The following SOS1 variants were observed in gnomAD, a reference collection of about 807,000 sequenced individuals.
SOS1 encodes the protein SOS Ras/Rac guanine nucleotide exchange factor 1, also known as son of sevenless homolog 1.
SOS1 carries 25 observed loss-of-function variants against 157.6 expected under a neutral mutation model. That is an observed-to-expected ratio of 0.16 (90% CI 0.12 to 0.22). The LOEUF is 0.22. Ranked by LOEUF, SOS1 falls within the 10% of genes least tolerant of loss-of-function variation. The pLI is 1.00. For synonymous variants in SOS1, 528 were observed against 534.0 expected (o/e 0.99, Z 0.16); for missense variants, 1,237 against 1,599.1 (o/e 0.77, Z 3.86).
intron 2 of SOS1, among the ~76,000 whole-genome samples, chr2:39,061,119 CA>C (rs1389649181): frequency 1.3e-5 from 2 of 151,774 alleles, no homozygotes; most frequent in African/African-American, 4.8e-5. Flanking sequence ...TTTAAAAAGG[CA>C]AAGTGGTAAT....
In SOS1 at chr2:38,984,504, C is replaced by T. The variant is rs935979621; in HGVS notation, c.*1320G>A. 1 of 152,120 alleles carries T rather than the reference C, an allele frequency of 6.6e-6. No individual in the cohort carries two copies. The highest frequency in any genetic ancestry group is 1.5e-5 in the Non-Finnish European group (1 of 68,012). 9.4% of individuals were successfully genotyped at this position (152,120 alleles called of 1,614,324 possible). ...TGCTTAGGAACTTAAAACTTACTTACAAAGTTCTGCTTAAAAGATACCCAT... is the reference window on the plus strand; with the variant it reads ...TGCTTAGGAACTTAAAACTTACTTATAAAGTTCTGCTTAAAAGATACCCAT... On this transcript the variant is annotated 3_prime_UTR_variant, in exon 23 of 23. Coordinates refer to ENST00000402219, the MANE Select transcript of SOS1 (RefSeq NM_005633.4).
intron 8 of SOS1, among the ~76,000 whole-genome samples, chr2:39,028,905 C>T (rs1206328254): frequency 2.0e-5 from 3 of 152,336 alleles, no homozygotes; most frequent in Non-Finnish European, 4.4e-5. Context: ...TGAGACACCA[C>T]AGTGGATTAC....
intron 15 of SOS1, 89 bp from the exon 16 acceptor site, chr2:39,007,282 A>G (rs887643372): frequency 4.6e-6 from 4 of 870,780 alleles, no homozygotes; most frequent in Non-Finnish European, 7.7e-6. Flanking sequence ...AATAATGTAG[A>G]GAGTAGGGGG....
intron 1 of SOS1, among the ~76,000 whole-genome samples, chr2:39,068,148 AT>A (rs762285340): frequency 6.6e-6 from 1 of 152,202 alleles, no homozygotes; most frequent in Non-Finnish European, 1.5e-5. Flanking sequence ...GTATTTAAAA[AT>A]GTGGTCTGGC....
At chr2:39,015,634 T>G (rs1669604934) in intron 10 of SOS1, among the ~76,000 whole-genome samples, 1 of 151,908 alleles carries the variant, frequency 6.6e-6, no homozygotes, top group Non-Finnish European at 1.5e-5. Context: ...CCGTCTCTCC[T>G]TAACAGTATT....
intron 1 of SOS1, among the ~76,000 whole-genome samples, chr2:39,077,709 A>T (rs1472162493): frequency 6.6e-6 from 1 of 152,226 alleles, no homozygotes; most frequent in Non-Finnish European, 1.5e-5. Flanking sequence ...AAGAGCCAGT[A>T]GTATAGATTC....
chr2:39,116,300 A>T (rs1355408372), intron 1 of SOS1, among the ~76,000 whole-genome samples: 2 of 152,308 alleles, frequency 1.3e-5, no homozygotes, highest in African/African-American at 4.8e-5. Flanking sequence ...CAGAAACAAG[A>T]CTATTCCTGT....
chr2:39,026,476 C>G (rs1051800094), intron 8 of SOS1, among the ~76,000 whole-genome samples: 2 of 151,800 alleles, frequency 1.3e-5, no homozygotes, highest in Non-Finnish European at 2.9e-5. Flanking sequence ...ATACAAAAAT[C>G]AAATATCTTT....
intron 2 of SOS1, among the ~76,000 whole-genome samples, chr2:39,067,385 G>T (rs1217712225): frequency 6.6e-6 from 1 of 151,728 alleles, no homozygotes; most frequent in East Asian, 1.9e-4. Flanking sequence ...TTGGATTTGG[G>T]ATGCTCAACC....
intron 1 of SOS1, among the ~76,000 whole-genome samples, chr2:39,078,500 C>T (rs1018564325): frequency 1.2e-4 from 7 of 57,638 alleles, no homozygotes; most frequent in African/African-American, 5.0e-4. Flanking sequence ...TCTCCTCAAA[C>T]CCCATTAGGA....
At position 39,120,479 on chromosome 2, in the gene SOS1, GC is replaced by G. The variant is rs918651370; in HGVS notation, c.-58del. On this transcript the variant is annotated 5_prime_UTR_variant, in exon 1 of 23. Coordinates refer to ENST00000402219, the MANE Select transcript of SOS1 (RefSeq NM_005633.4). ...GGGGCGGCGGCGGCCGGGCCAGGGA[GC>G]CGCGAGAGGGCGAGCTCGCAGCGCG... 290 of 1,457,506 alleles carry G rather than the reference GC, an allele frequency of 2.0e-4. No individual in the cohort carries two copies. Among genetic ancestry groups the G allele is most frequent in the Non-Finnish European group, 2.3e-4 (255 of 1,102,288 alleles). 90.3% of individuals were successfully genotyped at this position (1,457,506 alleles called of 1,614,324 possible).
chr2:39,009,707 TTAA>T (rs2124509301), intron 15 of SOS1, among the ~76,000 whole-genome samples: 1 of 152,254 alleles, frequency 6.6e-6, no homozygotes, highest in South Asian at 2.1e-4. Context: ...ATTTGCATCA[TTAA>T]TAAGATGTAA....
At position 38,983,960 on chromosome 2, in the gene SOS1, C is replaced by T. The variant is rs1668475888; in HGVS notation, c.*1864G>A. On this transcript the variant is annotated 3_prime_UTR_variant, in exon 23 of 23. Transcript: ENST00000402219. Reference sequence around the variant, plus strand: ...ACAGATATTGAGAAAGGATTCAATTCTAACAAATAAATAAGAAAATAGGAT... The same window carrying T: ...ACAGATATTGAGAAAGGATTCAATTTTAACAAATAAATAAGAAAATAGGAT... The T allele has an allele frequency of 6.6e-6, 1 of 152,118 alleles. No individual in the cohort carries two copies. 9.4% of individuals were successfully genotyped at this position (152,118 alleles called of 1,614,324 possible). A position where few individuals can be genotyped will look rare whatever the true frequency, so the allele number is the denominator to read the frequency against.
intron 15 of SOS1, among the ~76,000 whole-genome samples, chr2:39,009,454 G>T (rs1321809668): frequency 1.3e-5 from 2 of 152,062 alleles, no homozygotes. Context: ...ATCAGTAAAG[G>T]TAATTGTGTA....
chr2:39,001,533 C>T (rs1669099900), intron 17 of SOS1, among the ~76,000 whole-genome samples: 1 of 152,092 alleles, frequency 6.6e-6, no homozygotes, highest in African/African-American at 2.4e-5. Flanking sequence ...ATGGGACTAA[C>T]GCTGGTAAAA....
intron 15 of SOS1, 120 bp from the exon 16 acceptor site, chr2:39,007,313 A>G (rs569014798): frequency 5.7e-6 from 4 of 698,210 alleles, no homozygotes; most frequent in African/African-American, 5.3e-5. Context: ...TATAACTACT[A>G]TAGAGAAGAC....
chr2:39,016,088 T>C (rs1391737021), intron 10 of SOS1, among the ~76,000 whole-genome samples: 2 of 152,060 alleles, frequency 1.3e-5, no homozygotes. Context: ...AGGTTTAGCC[T>C]TAAAATAACA....
At chr2:39,093,092 C>T (rs1421109582) in intron 1 of SOS1, among the ~76,000 whole-genome samples, 2 of 152,096 alleles carry the variant, frequency 1.3e-5, no homozygotes, top group Non-Finnish European at 2.9e-5. Context: ...TAAATAAATG[C>T]ATTTTTTAAA....
chr2:38,996,182 C>T (rs142348113), intron 19 of SOS1, among the ~76,000 whole-genome samples: 3,292 of 152,178 alleles, frequency 0.022, 129 homozygotes, highest in African/African-American at 0.075. Context: ...CTCCGCCTCC[C>T]GGGTTCAAGT....
Sources: gnomAD v4.1 joint callset for allele counts (sites outside exome capture counted in the v4.1 genomes callset) on GRCh38, gnomAD v4.1.1 for gene constraint, MANE v1.5 for transcripts, NCBI Gene and HGNC (gene_info 2026-07-23, HGNC 2026-07-21) for gene names.